C1orf87: variants seen among roughly 807,000 people sequenced by gnomAD.
The protein encoded by C1orf87 is uncharacterized protein C1orf87.
Under a neutral mutation model 60.5 loss-of-function variants are expected in C1orf87, and 58 were observed. The observed-to-expected ratio is 0.96, with a 90% CI of 0.78 to 1.19. The LOEUF (loss-of-function observed/expected upper bound fraction) is 1.19, where lower values mean the gene tolerates loss of function less well. Ranked by LOEUF, C1orf87 falls within the 50% of genes most tolerant of loss-of-function variation. C1orf87 has a pLI of 0.00. For synonymous variants in C1orf87, 236 were observed against 227.4 expected, an observed-to-expected ratio of 1.04 and a Z score of -0.34; for missense variants, 673 against 638.6, an observed-to-expected ratio of 1.05 and a Z score of -0.58.
chr1:60,010,334 C>A, intron 9 of C1orf87, 58 bp downstream of exon 9: 1 of 1,459,010 alleles, frequency 6.9e-7, no homozygotes, highest in South Asian at 1.2e-5. Flanking sequence ...GCAGCATAGT[C>A]AACAATAGCT....
Position 59,990,758 on chromosome 1 carries a change from T to C in C1orf87, c.1556A>G (p.Gln519Arg), listed in dbSNP as rs200126333. The change falls in exon 12 of 12, where the codon CAG becomes CGG. Residue 519 changes from glutamine (Q) to arginine (R), a missense_variant. Gln to Arg is a conservative substitution (Grantham distance 43). Coordinates refer to ENST00000371201, the MANE Select transcript of C1orf87 (RefSeq NM_152377.3). ...TCTGCGCAAGGCCTGGTCGATTTTC[T>C]GAGGGCTCAGGGACAGGTTGTAAAT... is the stretch of plus-strand genomic sequence containing the variant. ...NLIYNLSLSP[Q>R]KIDQALRRFR... is the part of the protein sequence containing the mutation. 11 of 1,614,008 alleles carry C rather than the reference T, an allele frequency of 6.8e-6. No homozygotes were observed. Among genetic ancestry groups the C allele is most frequent in the Non-Finnish European group, 9.3e-6 (11 of 1,179,990 alleles).
At chr1:60,004,932 T>TTTTTTTTTTTTTTTTTTTTG (rs1273968906) in intron 9 of C1orf87, among the ~76,000 whole-genome samples, 1 of 151,766 alleles carries the variant, frequency 6.6e-6, no homozygotes, top group Non-Finnish European at 1.5e-5. Context: ...TGGGCAGCTT[T>TTTTTTTTTTTTTTTTTTTTG]AAAAATTACC....
In C1orf87 at chr1:60,040,272, C is replaced by A. The variant is rs151259321; in HGVS notation, c.484-92G>T. ...AGCAGAGGCACACTGGGGCTGGTAT[C>A]TGAGTGTCCACTCGCAGTCCTGGCC... is the stretch of plus-strand genomic sequence containing the variant. On this transcript the variant is annotated intron_variant, in intron 4 of 11. Transcript: ENST00000371201. The A allele has an allele frequency of 1.7e-4, 258 of 1,484,944 alleles. No homozygotes were observed. The African/African-American group carries it at 2.9e-3, about 17-fold the overall frequency. 92.0% of individuals were successfully genotyped at this position (1,484,944 alleles called of 1,614,324 possible). A position where few individuals can be genotyped will look rare whatever the true frequency, so the allele number is the denominator to read the frequency against.
intron 2 of C1orf87, among the ~76,000 whole-genome samples, chr1:60,063,921 T>A (rs1645514299): frequency 1.3e-5 from 2 of 152,056 alleles, no homozygotes; most frequent in African/African-American, 2.4e-5. Flanking sequence ...CCTGGGTGTG[T>A]CTGTGAGGGT....
chr1:60,064,807 T>TA, intron 2 of C1orf87, among the ~76,000 whole-genome samples: 1 of 93,012 alleles, frequency 1.1e-5, no homozygotes, highest in Non-Finnish European at 1.9e-5. Flanking sequence ...TATAATTATA[T>TA]TTAATATATA....
intron 11 of C1orf87, among the ~76,000 whole-genome samples, chr1:59,992,806 AG>A (rs1371392859): frequency 6.6e-6 from 1 of 152,174 alleles, no homozygotes; most frequent in Non-Finnish European, 1.5e-5. Flanking sequence ...AGGCCACAAT[AG>A]GTGGGGTCCT....
At position 60,006,833 on chromosome 1, in the gene C1orf87, T is replaced by C. The variant is rs148147783; in HGVS notation, c.1192+3559A>G. On this transcript the variant is annotated intron_variant, in intron 9 of 11. Coordinates refer to ENST00000371201, the MANE Select transcript of C1orf87 (RefSeq NM_152377.3). ...CTCAGTCATAATTGCTTCAACTTCA[T>C]CTTTATTCTCTTTCTCCTATTTTTC... is the stretch of plus-strand genomic sequence containing the variant. Among the ~76,000 whole-genome samples the C allele has an allele frequency of 3.6e-3, 551 of 152,162 alleles. 3 individuals are homozygous for C. Among genetic ancestry groups the C allele is most frequent in the African/African-American group, 0.012 (510 of 41,550 alleles).
chr1:60,063,429 G>A (rs1392481334), intron 2 of C1orf87, among the ~76,000 whole-genome samples: 1 of 152,106 alleles, frequency 6.6e-6, no homozygotes, highest in Non-Finnish European at 1.5e-5. Flanking sequence ...TTAACAGACA[G>A]AAGCAGCCTT....
At chr1:60,071,145 T>A (rs887383373) in intron 2 of C1orf87, among the ~76,000 whole-genome samples, 2 of 152,202 alleles carry the variant, frequency 1.3e-5, no homozygotes, top group African/African-American at 4.8e-5. Context: ...GCATAGAATA[T>A]AAAAGGGACA....
At chr1:60,001,741 T>C (rs1645007096) in intron 9 of C1orf87, among the ~76,000 whole-genome samples, 1 of 152,116 alleles carries the variant, frequency 6.6e-6, no homozygotes, top group South Asian at 2.1e-4. Context: ...TACACACACA[T>C]GCACCCAAAG....
intron 2 of C1orf87, among the ~76,000 whole-genome samples, chr1:60,056,051 C>T (rs1294735090): frequency 6.6e-6 from 1 of 152,068 alleles, no homozygotes; most frequent in African/African-American, 2.4e-5. Flanking sequence ...TGAGACCAAC[C>T]TGGCCAATAC....
At chr1:60,044,943 T>A (rs1645355184) in intron 3 of C1orf87, among the ~76,000 whole-genome samples, 1 of 152,188 alleles carries the variant, frequency 6.6e-6, no homozygotes, top group South Asian at 2.1e-4. Context: ...AGCACAAAAA[T>A]CTAACACAGA....
At chr1:60,060,615 G>T (rs56312814) in intron 2 of C1orf87, among the ~76,000 whole-genome samples, 19,415 of 152,070 alleles carry the variant, frequency 0.13, 1,569 homozygotes, top group Middle Eastern at 0.25. Flanking sequence ...GATAAAAAGA[G>T]AGATAATTAA....
At position 60,040,122 on chromosome 1, in the gene C1orf87, A is replaced by G; in HGVS notation, c.542T>C (p.Val181Ala). 1 of 1,614,146 alleles carries G rather than the reference A, an allele frequency of 6.2e-7. No homozygotes were observed. The highest frequency in any genetic ancestry group is 8.5e-7 in the Non-Finnish European group (1 of 1,179,996). Residue 181 changes from valine (V) to alanine (A), a missense_variant, in exon 5 of 12, where the codon GTC becomes GCC. Transcript: ENST00000371201. Reference sequence around the variant, plus strand: ...AGGACGTGACTTGAGTTCTCTTCTGACCAGGGCAAGAAGAAAAGCGTCTTC... The same window carrying G: ...AGGACGTGACTTGAGTTCTCTTCTGGCCAGGGCAAGAAGAAAAGCGTCTTC... ...TNEDAFLLALVRRELKSRPLS... is the reference protein window; with the variant it reads ...TNEDAFLLALARRELKSRPLS...
chr1:60,069,453 G>T (rs888131161), intron 2 of C1orf87, among the ~76,000 whole-genome samples: 1 of 152,038 alleles, frequency 6.6e-6, no homozygotes, highest in Admixed American at 6.5e-5. Flanking sequence ...GAACTATGTT[G>T]GAAGGCGGTT....
At chr1:60,013,479 A>C (rs1026470207) in intron 8 of C1orf87, among the ~76,000 whole-genome samples, 5 of 151,838 alleles carry the variant, frequency 3.3e-5, no homozygotes, top group African/African-American at 1.2e-4. Flanking sequence ...GTGCTTTTTA[A>C]GTTTCATTTT....
At chr1:59,991,936 A>C (rs1644926474) in intron 11 of C1orf87, among the ~76,000 whole-genome samples, 1 of 152,072 alleles carries the variant, frequency 6.6e-6, no homozygotes, top group Admixed American at 6.6e-5. Flanking sequence ...GATTTAGAGA[A>C]TTTTTCTGCT....
intron 10 of C1orf87, among the ~76,000 whole-genome samples, chr1:59,998,609 A>G (rs1171089786): frequency 6.6e-6 from 1 of 152,144 alleles, no homozygotes; most frequent in Non-Finnish European, 1.5e-5. Flanking sequence ...AGCTGTGGAA[A>G]GAACTGCCAT....
chr1:60,034,149 C>T (rs1172579183), intron 6 of C1orf87, among the ~76,000 whole-genome samples: 1 of 152,150 alleles, frequency 6.6e-6, no homozygotes, highest in African/African-American at 2.4e-5. Flanking sequence ...CTGCATTAAC[C>T]TTGACTCTGC....
Sources: allele counts gnomAD v4.1 joint callset (sites outside exome capture counted in the v4.1 genomes callset), GRCh38; gene constraint gnomAD v4.1.1; transcripts MANE v1.5; gene names NCBI Gene and HGNC (gene_info 2026-07-23, HGNC 2026-07-21).